EPHA3: variants seen among roughly 807,000 people sequenced by gnomAD.
EPHA3 encodes EPH receptor A3, also known as ephrin type-A receptor 3.
In EPHA3, 42 loss-of-function variants were observed where a neutral mutation model predicts 107.1. The ratio of observed to expected loss-of-function variants is 0.39; its 90% CI spans 0.31 to 0.51. The LOEUF (loss-of-function observed/expected upper bound fraction) is 0.51, where lower values mean the gene tolerates loss of function less well. Among genes scored for constraint, EPHA3 ranks in the 20% least tolerant of loss-of-function variants. EPHA3 has a pLI of 0.78. For missense variants in EPHA3, 1,183 were observed against 1,211.2 expected (o/e 0.98, Z 0.35); for synonymous variants, 461 against 424.8 (o/e 1.09, Z -1.05).
intron 2 of EPHA3, among the ~76,000 whole-genome samples, chr3:89,208,773 G>T (rs1392971742): frequency 2.6e-5 from 4 of 152,108 alleles, no homozygotes; most frequent in Admixed American, 1.3e-4. Context: ...AAATTAACAT[G>T]TGGTTTAGGA....
At chr3:89,293,653 A>G (rs1254752840) in intron 3 of EPHA3, among the ~76,000 whole-genome samples, 1 of 152,150 alleles carries the variant, frequency 6.6e-6, no homozygotes, top group African/African-American at 2.4e-5. Context: ...CTGATGATTT[A>G]AAAGAGTGTG....
chr3:89,156,197 G>C (rs1704802948), intron 2 of EPHA3, among the ~76,000 whole-genome samples: 1 of 152,026 alleles, frequency 6.6e-6, no homozygotes, highest in East Asian at 1.9e-4. Flanking sequence ...TCAGAGTAGA[G>C]ACATTGTGTC....
intron 1 of EPHA3, among the ~76,000 whole-genome samples, chr3:89,116,993 A>G (rs1439724036): frequency 1.3e-5 from 2 of 152,060 alleles, no homozygotes; most frequent in East Asian, 3.8e-4. Context: ...AACTGACTTT[A>G]AAGGCTCCAA....
At chr3:89,112,976 GAGA>G (rs1707149053) in intron 1 of EPHA3, among the ~76,000 whole-genome samples, 2 of 152,044 alleles carry the variant, frequency 1.3e-5, no homozygotes, top group African/African-American at 4.8e-5. Context: ...TCCTGTTTGA[GAGA>G]AGATTTAGAA....
chr3:89,399,735 T>TCA, intron 7 of EPHA3: 1 of 1,154,388 alleles, frequency 8.7e-7, no homozygotes, highest in Non-Finnish European at 1.1e-6. Flanking sequence ...TGTTTTTTTT[T>TCA]TTTAGCCATA....
chr3:89,358,176 T>G (rs1708007970), intron 5 of EPHA3, among the ~76,000 whole-genome samples: 1 of 151,160 alleles, frequency 6.6e-6, no homozygotes, highest in African/African-American at 2.4e-5. Context: ...CAGGATAGTC[T>G]TTTTCTTAAC....
At chr3:89,192,576 A>G (rs1296390691) in intron 2 of EPHA3, among the ~76,000 whole-genome samples, 1 of 152,144 alleles carries the variant, frequency 6.6e-6, no homozygotes, top group Non-Finnish European at 1.5e-5. Flanking sequence ...TCCAATAACC[A>G]GAATACACAA....
intron 2 of EPHA3, among the ~76,000 whole-genome samples, chr3:89,146,721 C>T (rs1174064026): frequency 6.6e-6 from 1 of 151,994 alleles, no homozygotes; most frequent in South Asian, 2.1e-4. Flanking sequence ...TTTGCCCATG[C>T]CTATGTCCTG....
intron 3 of EPHA3, among the ~76,000 whole-genome samples, chr3:89,274,504 A>G (rs1234668657): frequency 6.6e-6 from 1 of 151,956 alleles, no homozygotes; most frequent in Non-Finnish European, 1.5e-5. Flanking sequence ...GATCTGTGTT[A>G]AATTCTTACA....
chr3:89,233,351 C>G (rs188221620), intron 3 of EPHA3, among the ~76,000 whole-genome samples: 4 of 152,252 alleles, frequency 2.6e-5, no homozygotes, highest in East Asian at 1.9e-4. Context: ...ATTGTCCCCC[C>G]ACTTTTCTGC....
At chr3:89,184,001 C>G (rs1272359821) in intron 2 of EPHA3, among the ~76,000 whole-genome samples, 1 of 151,630 alleles carries the variant, frequency 6.6e-6, no homozygotes, top group Non-Finnish European at 1.5e-5. Flanking sequence ...TTTTTATGAA[C>G]AGTATTTTGT....
At chr3:89,381,841 G>A (rs1158079336) in intron 5 of EPHA3, among the ~76,000 whole-genome samples, 2 of 151,954 alleles carry the variant, frequency 1.3e-5, no homozygotes, top group Non-Finnish European at 2.9e-5. Flanking sequence ...TCTATGAATC[G>A]GGAAATAGAC....
At chr3:89,477,797 T>C (rs1215793864) in intron 16 of EPHA3, among the ~76,000 whole-genome samples, 1 of 151,952 alleles carries the variant, frequency 6.6e-6, no homozygotes. Context: ...CTGGCAGCCA[T>C]TGTTTAGGTT....
chr3:89,344,362 TG>T (rs1327242432), intron 5 of EPHA3, among the ~76,000 whole-genome samples: 1 of 152,120 alleles, frequency 6.6e-6, no homozygotes, highest in African/African-American at 2.4e-5. Context: ...TCAGCAAAGG[TG>T]ATAGAAGTTA....
intron 3 of EPHA3, among the ~76,000 whole-genome samples, chr3:89,272,066 T>C (rs1319521973): frequency 2.0e-5 from 3 of 151,938 alleles, no homozygotes; most frequent in Admixed American, 6.6e-5. Context: ...TGTAATAATA[T>C]AGTATATAAT....
intron 3 of EPHA3, among the ~76,000 whole-genome samples, chr3:89,290,335 C>T (rs568134117): frequency 7.2e-5 from 11 of 152,194 alleles, no homozygotes; most frequent in Non-Finnish European, 1.2e-4. Context: ...ATATATTCCT[C>T]GCTCCTCTCT....
intron 5 of EPHA3, among the ~76,000 whole-genome samples, chr3:89,360,071 C>G (rs1708060013): frequency 6.7e-6 from 1 of 149,976 alleles, no homozygotes; most frequent in African/African-American, 2.4e-5. Context: ...ACTCAAGTTG[C>G]TAGGGAGAAT....
chr3:89,179,253 A>G (rs1187362129), intron 2 of EPHA3, among the ~76,000 whole-genome samples: 1 of 152,020 alleles, frequency 6.6e-6, no homozygotes, highest in African/African-American at 2.4e-5. Context: ...TGTTTTTCCT[A>G]CTGTTATACT....
chr3:89,191,452 GC>G (rs1023994244), intron 2 of EPHA3, among the ~76,000 whole-genome samples: 1 of 151,682 alleles, frequency 6.6e-6, no homozygotes, highest in African/African-American at 2.4e-5. Context: ...GACTACAGGC[GC>G]CCGCCACCAC....
Sources: allele counts gnomAD v4.1 joint callset (sites outside exome capture counted in the v4.1 genomes callset), GRCh38; gene constraint gnomAD v4.1.1; transcripts MANE v1.5; gene names NCBI Gene and HGNC (gene_info 2026-07-23, HGNC 2026-07-21).